CYP19A1: variants seen among roughly 807,000 people sequenced by gnomAD.
CYP19A1 encodes the protein aromatase.
Under a neutral mutation model 44.4 loss-of-function variants are expected in CYP19A1, and 32 were observed. The observed-to-expected ratio is 0.72, with a 90% CI of 0.54 to 0.97. The LOEUF (loss-of-function observed/expected upper bound fraction) is 0.97. CYP19A1 is among the 50% of genes least tolerant of loss of function. The pLI, the probability that CYP19A1 is intolerant of heterozygous loss-of-function variation, is 0.00. For synonymous variants in CYP19A1, 212 were observed against 215.6 expected (o/e 0.98, Z 0.14); for missense variants, 598 against 637.8 (o/e 0.94, Z 0.67).
chr15:51,312,622 C>G (rs1172371941), intron 1 of CYP19A1: 1 of 152,286 alleles, frequency 6.6e-6, no homozygotes, highest in Non-Finnish European at 1.5e-5. Flanking sequence ...GCCGATTATC[C>G]CACATTTGCA....
chr15:51,328,310 G>C (rs1306433874), intron 1 of CYP19A1, among the ~76,000 whole-genome samples: 1 of 152,188 alleles, frequency 6.6e-6, no homozygotes. Context: ...AGTTTTCATG[G>C]ACATAAACAT....
intron 3 of CYP19A1, among the ~76,000 whole-genome samples, chr15:51,231,516 C>T (rs1328081718): frequency 6.6e-6 from 1 of 152,052 alleles, no homozygotes; most frequent in Non-Finnish European, 1.5e-5. Flanking sequence ...CTTACTTTGT[C>T]ATGGTTGTCT....
At chr15:51,300,536 G>A (rs1595769865) in intron 1 of CYP19A1, among the ~76,000 whole-genome samples, 2 of 152,166 alleles carry the variant, frequency 1.3e-5, no homozygotes, top group East Asian at 3.9e-4. Context: ...CAGTTGTCAA[G>A]GCAGAGAGTT....
intron 1 of CYP19A1, among the ~76,000 whole-genome samples, chr15:51,311,861 T>C (rs1300349890): frequency 6.6e-6 from 1 of 152,102 alleles, no homozygotes; most frequent in African/African-American, 2.4e-5. Flanking sequence ...GGGCCTCAGT[T>C]CCTCACCTGA....
At chr15:51,335,142 A>G (rs570617944) in intron 1 of CYP19A1, among the ~76,000 whole-genome samples, 2 of 151,556 alleles carry the variant, frequency 1.3e-5, no homozygotes, top group African/African-American at 4.8e-5. Context: ...ACAATTGGGT[A>G]CACTACACTA....
intron 1 of CYP19A1, among the ~76,000 whole-genome samples, chr15:51,254,560 C>T (rs1328226231): frequency 6.6e-6 from 1 of 151,758 alleles, no homozygotes; most frequent in Non-Finnish European, 1.5e-5. Context: ...CTCATGGATC[C>T]ATCCTTCATA....
At chr15:51,289,759 C>T (rs1006116766) in intron 1 of CYP19A1, among the ~76,000 whole-genome samples, 7 of 152,164 alleles carry the variant, frequency 4.6e-5, no homozygotes, top group African/African-American at 9.7e-5. Flanking sequence ...GAAAGCTCAC[C>T]CCGTGAAGGG....
chr15:51,299,466 T>A (rs979135616), intron 1 of CYP19A1, among the ~76,000 whole-genome samples: 1 of 152,228 alleles, frequency 6.6e-6, no homozygotes, highest in East Asian at 1.9e-4. Flanking sequence ...CAGCTCTTAG[T>A]GGCTCTTAGA....
chr15:51,227,277 C>G (rs1022483662), intron 4 of CYP19A1, among the ~76,000 whole-genome samples: 1 of 152,090 alleles, frequency 6.6e-6, no homozygotes, highest in Admixed American at 6.5e-5. Flanking sequence ...ACATTTACCA[C>G]ATGGGGCTGC....
rs111935541 is a variant in CYP19A1, at chr15:51,242,405, T to A, written c.145+363A>T. ...AGTGAAGAAGATGTTCCAGAGACAT[T>A]TTCACCTTCAGAGCAAAATTGCAAT... is the stretch of plus-strand genomic sequence containing the variant. On this transcript the variant is annotated intron_variant, in intron 2 of 9. Coordinates refer to ENST00000396402, the MANE Select transcript of CYP19A1 (RefSeq NM_000103.4). 149 of 309,030 alleles carry A rather than the reference T, an allele frequency of 4.8e-4. 1 individual carries two copies. The highest frequency in any genetic ancestry group is 3.0e-3 in the African/African-American group (137 of 46,000). The allele number at this position is 309,030 out of a possible 1,614,324, so 19.1% of individuals were successfully genotyped here.
At chr15:51,336,176 G>A (rs1411577262) in intron 1 of CYP19A1, among the ~76,000 whole-genome samples, 3 of 152,074 alleles carry the variant, frequency 2.0e-5, no homozygotes, top group African/African-American at 7.2e-5. Context: ...TCTCGTGGCC[G>A]CATTTAGAAT....
intron 6 of CYP19A1, among the ~76,000 whole-genome samples, chr15:51,216,214 C>G (rs2031560481): frequency 6.6e-6 from 1 of 152,072 alleles, no homozygotes; most frequent in Non-Finnish European, 1.5e-5. Flanking sequence ...CCACAGGAAC[C>G]TCCATTCCCT....
intron 1 of CYP19A1, among the ~76,000 whole-genome samples, chr15:51,265,961 A>G (rs2034903798): frequency 1.3e-5 from 2 of 152,258 alleles, no homozygotes; most frequent in African/African-American, 4.8e-5. Flanking sequence ...TGGTCTGGAT[A>G]AATCTAGTGA....
At chr15:51,317,618 G>T (rs1181340799) in intron 1 of CYP19A1, among the ~76,000 whole-genome samples, 1 of 152,134 alleles carries the variant, frequency 6.6e-6, no homozygotes, top group Admixed American at 6.5e-5. Flanking sequence ...TCTGTCTAGG[G>T]GTGAAAGAAA....
At chr15:51,311,934 TTATGAACTCTTA>T (rs1288565458) in intron 1 of CYP19A1, among the ~76,000 whole-genome samples, 12 of 152,300 alleles carry the variant, frequency 7.9e-5, no homozygotes, top group African/African-American at 2.2e-4. Flanking sequence ...ATACCACCCT[TTATGAACTCTTA>T]TGTGAAATTT....
At chr15:51,272,911 G>A (rs187091237) in intron 1 of CYP19A1, among the ~76,000 whole-genome samples, 7 of 152,186 alleles carry the variant, frequency 4.6e-5, no homozygotes, top group East Asian at 1.9e-4. Context: ...ATGCATACTC[G>A]GTTAGGACAA....
In CYP19A1 at chr15:51,269,695, C is replaced by T. The variant is rs571881897; in HGVS notation, c.-38-26745G>A. On this transcript the variant is annotated intron_variant, in intron 1 of 9. Coordinates refer to ENST00000396402, the MANE Select transcript of CYP19A1 (RefSeq NM_000103.4). ...CATGCTAAGGGTACTAGTGGTAGCC[C>T]ATTCCAGCCAAGGCAGGACTCTTCC... Among the ~76,000 whole-genome samples the T allele has an allele frequency of 5.3e-5, 8 of 152,290 alleles. No homozygotes were observed. The South Asian group carries it at 1.2e-3, about 24-fold the overall frequency.
intron 1 of CYP19A1, among the ~76,000 whole-genome samples, chr15:51,293,386 C>A (rs1481757437): frequency 6.6e-6 from 1 of 152,194 alleles, no homozygotes; most frequent in Non-Finnish European, 1.5e-5. Context: ...CAGTTGAGAC[C>A]AGACTACAAG....
At chr15:51,223,253 A>G (rs1279189436) in intron 4 of CYP19A1, among the ~76,000 whole-genome samples, 1 of 146,614 alleles carries the variant, frequency 6.8e-6, no homozygotes, top group Non-Finnish European at 1.5e-5. Context: ...TATTTTTTCA[A>G]TAGAGGAATG....
Sources: gnomAD v4.1 joint callset for allele counts (sites outside exome capture counted in the v4.1 genomes callset) on GRCh38, gnomAD v4.1.1 for gene constraint, MANE v1.5 for transcripts, NCBI Gene and HGNC (gene_info 2026-07-23, HGNC 2026-07-21) for gene names.